CDK15: variants seen among roughly 807,000 people sequenced by gnomAD.
CDK15 encodes cyclin-dependent kinase 15.
Under a neutral mutation model 60.3 loss-of-function variants are expected in CDK15, and 62 were observed. That is an observed-to-expected ratio of 1.03 (90% CI 0.84 to 1.27). The LOEUF (loss-of-function observed/expected upper bound fraction) is 1.27. Among genes scored for constraint, CDK15 ranks in the 50% most tolerant of loss-of-function variants. CDK15 has a pLI of 0.00. For missense variants in CDK15, 541 were observed against 527.8 expected (o/e 1.03, Z -0.25); for synonymous variants, 194 against 195.7 (o/e 0.99, Z 0.07).
At chr2:201,848,524 A>G (rs773162132) in intron 9 of CDK15, among the ~76,000 whole-genome samples, 18 of 152,048 alleles carry the variant, frequency 1.2e-4, no homozygotes, top group Non-Finnish European at 2.1e-4. Context: ...GAAGCTCTGG[A>G]CCCACTGAAC....
Position 201,860,682 on chromosome 2 carries a change from G to A in CDK15, c.1009+5745G>A, listed in dbSNP as rs186551620. 2.4e-3 allele frequency: 3,272 copies of A among 1,350,440 alleles called. 6 individuals carry two copies. Among genetic ancestry groups the A allele is most frequent in the Middle Eastern group, 4.6e-3 (22 of 4,758 alleles). The allele number at this position is 1,350,440 out of a possible 1,614,324, so 83.7% of individuals were successfully genotyped here. Reference sequence around the variant, plus strand: ...AGAATCAGATGTACCATAAGCGACAGGCCAAGGGATGCCCAGTTGTTTTTC... The same window carrying A: ...AGAATCAGATGTACCATAAGCGACAAGCCAAGGGATGCCCAGTTGTTTTTC... On this transcript the variant is annotated intron_variant, in intron 10 of 13. Transcript: ENST00000652192.
At chr2:201,843,274 A>G (rs1353816848) in intron 8 of CDK15, among the ~76,000 whole-genome samples, 1 of 151,828 alleles carries the variant, frequency 6.6e-6, no homozygotes, top group Non-Finnish European at 1.5e-5. Flanking sequence ...GCAACCTCCA[A>G]CTCCCCGGTT....
chr2:201,865,036 G>C (rs1488972807), intron 10 of CDK15, among the ~76,000 whole-genome samples: 3 of 152,044 alleles, frequency 2.0e-5, no homozygotes, highest in African/African-American at 4.8e-5. Context: ...AAGCTGAGAA[G>C]GAACAGCCAG....
At chr2:201,836,084 T>TTA (rs1697046529) in intron 8 of CDK15, among the ~76,000 whole-genome samples, 3 of 52,798 alleles carry the variant, frequency 5.7e-5, no homozygotes, top group African/African-American at 1.8e-4. Flanking sequence ...TTATATATAT[T>TTA]TATATATTTA....
At chr2:201,838,649 C>T (rs977119073) in intron 8 of CDK15, among the ~76,000 whole-genome samples, 5 of 152,068 alleles carry the variant, frequency 3.3e-5, no homozygotes. Context: ...TCAAGAGATC[C>T]TCCTGCCTTG....
chr2:201,817,290 A>C (rs563271858), intron 4 of CDK15, among the ~76,000 whole-genome samples: 1 of 152,330 alleles, frequency 6.6e-6, no homozygotes, highest in South Asian at 2.1e-4. Context: ...ACCAGCATCC[A>C]TTAACTTTTT....
intron 9 of CDK15, among the ~76,000 whole-genome samples, chr2:201,848,171 A>G (rs915963293): frequency 6.6e-6 from 1 of 152,158 alleles, no homozygotes; most frequent in Non-Finnish European, 1.5e-5. Context: ...TCTTAGTGTG[A>G]AAGAAGTGTA....
Position 201,894,085 on chromosome 2 carries a change from A to T in CDK15, c.*818A>T, listed in dbSNP as rs1699712783. ...CCCTGTTGCACCACCACACACACAC[A>T]CACACACACACACACACACACACAC... On this transcript the variant is annotated 3_prime_UTR_variant, in exon 14 of 14. Transcript: ENST00000652192. 6.6e-6 allele frequency: 1 copy of T among 151,944 alleles called. No homozygotes were observed. The highest frequency in any genetic ancestry group is 1.5e-5 in the Non-Finnish European group (1 of 68,380). The allele number at this position is 151,944 out of a possible 1,614,324, so 9.4% of individuals were successfully genotyped here.
Position 201,835,731 on chromosome 2 carries a change from A to G in CDK15, c.819A>G (p.Gly273=). Residue 273 remains glycine (G), a synonymous_variant, in exon 8 of 14, where the codon GGA becomes GGG. Transcript: ENST00000652192. Reference sequence around the variant, plus strand: ...ACCGGCCCCCTGATGCTTTGCTGGGAGCCACTGAATATTCCTCTGAGCTGG... The same window carrying G: ...ACCGGCCCCCTGATGCTTTGCTGGGGGCCACTGAATATTCCTCTGAGCTGG... The part of the protein sequence containing the change: ...LWYRPPDALL[G]ATEYSSELDI... 6.2e-7 allele frequency: 1 copy of G among 1,610,316 alleles called. No homozygotes were observed. The highest frequency in any genetic ancestry group is 8.5e-7 in the Non-Finnish European group (1 of 1,177,598).
intron 11 of CDK15, among the ~76,000 whole-genome samples, chr2:201,873,363 A>G (rs1235414373): frequency 6.6e-6 from 1 of 152,166 alleles, no homozygotes; most frequent in Non-Finnish European, 1.5e-5. Flanking sequence ...CTAGGGAACT[A>G]CTGTTTATCA....
At chr2:201,840,031 C>A (rs1332340279) in intron 8 of CDK15, among the ~76,000 whole-genome samples, 2 of 151,632 alleles carry the variant, frequency 1.3e-5, no homozygotes, top group Non-Finnish European at 2.9e-5. Flanking sequence ...GTCTCCATGC[C>A]TGGAATGCAG....
At position 201,889,519 on chromosome 2, in the gene CDK15, C is replaced by T. The variant is rs1236857730; in HGVS notation, c.1199-1266C>T. On this transcript the variant is annotated intron_variant, in intron 12 of 13. Transcript: ENST00000652192. ...CAATCTGCCAGGAAGTTTTATTTTC[C>T]GTACTTTTCAGATAAGCCCCTTGCA... 8 of 745,036 alleles carry T rather than the reference C, an allele frequency of 1.1e-5. No homozygotes were observed. The South Asian group carries it at 1.8e-4, about 17-fold the overall frequency. 46.2% of individuals were successfully genotyped at this position (745,036 alleles called of 1,614,324 possible).
chr2:201,870,585 CAG>C (rs1357416109), intron 10 of CDK15, among the ~76,000 whole-genome samples: 1 of 149,088 alleles, frequency 6.7e-6, no homozygotes, highest in African/African-American at 2.5e-5. Flanking sequence ...ACAAAAAAAA[CAG>C]ACGTGGTGGT....
At chr2:201,819,808 A>C (rs561858840) in intron 4 of CDK15, among the ~76,000 whole-genome samples, 2 of 152,370 alleles carry the variant, frequency 1.3e-5, no homozygotes, top group Admixed American at 6.5e-5. Flanking sequence ...TTCCGCAAAG[A>C]AACTGTGGGT....
At chr2:201,883,074 G>A (rs1338928792) in intron 12 of CDK15, among the ~76,000 whole-genome samples, 1 of 152,190 alleles carries the variant, frequency 6.6e-6, no homozygotes, top group Admixed American at 6.5e-5. Context: ...TCTTGTGAGT[G>A]ATTTGTAAGG....
intron 9 of CDK15, among the ~76,000 whole-genome samples, chr2:201,848,230 C>T (rs1357611715): frequency 6.6e-6 from 1 of 152,068 alleles, no homozygotes; most frequent in African/African-American, 2.4e-5. Flanking sequence ...GTCAAGGTGC[C>T]TTTGTGTGTG....
chr2:201,855,727 A>G (rs1698115609), intron 10 of CDK15, among the ~76,000 whole-genome samples: 1 of 152,060 alleles, frequency 6.6e-6, no homozygotes. Context: ...TAACGACAAG[A>G]TTAGGGTGGA....
chr2:201,850,457 T>C (rs74673230), intron 9 of CDK15, among the ~76,000 whole-genome samples: 7,286 of 152,196 alleles, frequency 0.048, 582 homozygotes, highest in African/African-American at 0.17. Flanking sequence ...GGCTAGGTAC[T>C]ATGCTGGAAA....
intron 9 of CDK15, among the ~76,000 whole-genome samples, chr2:201,851,685 A>T (rs1697917207): frequency 1.3e-5 from 2 of 151,896 alleles, no homozygotes; most frequent in Non-Finnish European, 2.9e-5. Flanking sequence ...TTGGAGACCG[A>T]GTCTCACTCT....
Sources: gnomAD v4.1 joint callset for allele counts (sites outside exome capture counted in the v4.1 genomes callset) on GRCh38, gnomAD v4.1.1 for gene constraint, MANE v1.5 for transcripts, NCBI Gene and HGNC (gene_info 2026-07-23, HGNC 2026-07-21) for gene names.